CD44: variants seen among roughly 807,000 people sequenced by gnomAD.
CD44 encodes the protein CD44 antigen.
A neutral mutation model predicts 88.8 loss-of-function variants in CD44; 49 were observed. The observed-to-expected ratio is 0.55, with a 90% CI of 0.44 to 0.70. CD44 has a LOEUF of 0.70. Ranked by LOEUF, CD44 falls within the 30% of genes least tolerant of loss-of-function variation. The probability of loss-of-function intolerance (pLI) is 0.00; values close to 1 mark genes in which losing one functional copy is unlikely to be tolerated. For missense variants in CD44, 883 were observed against 913.8 expected, an observed-to-expected ratio of 0.97 and a Z score of 0.43; for synonymous variants, 325 against 312.3, an observed-to-expected ratio of 1.04 and a Z score of -0.43.
chr11:35,223,915 T>C (rs189059862), intron 17 of CD44, among the ~76,000 whole-genome samples: 3 of 152,280 alleles, frequency 2.0e-5, no homozygotes, highest in African/African-American at 4.8e-5. Flanking sequence ...CCAATAGGTG[T>C]TCATTTATTC....
In CD44 at chr11:35,186,997, G is replaced by A. The variant is rs573777536; in HGVS notation, c.436+97G>A. 1.2e-4 allele frequency: 93 copies of A among 782,566 alleles called. No homozygotes were observed. In the African/African-American group the frequency reaches 1.4e-3, roughly 12 times the overall value. The allele number at this position is 782,566 out of a possible 1,614,324, so 48.5% of individuals were successfully genotyped here. On this transcript the variant is annotated intron_variant, in intron 4 of 17. Coordinates refer to ENST00000428726, the MANE Select transcript of CD44 (RefSeq NM_000610.4). ...ATATTTGAATAGAATATTAGGCCAG[G>A]TGTGGTGGCTCACTCCTGTAATCCC...
At chr11:35,198,411 T>G in intron 7 of CD44, 165 bp downstream of exon 7, 1 of 578,246 alleles carries the variant, frequency 1.7e-6, no homozygotes, top group East Asian at 3.0e-5. Flanking sequence ...AGAAATAGAA[T>G]GTTTTGAGAA....
chr11:35,171,437 T>A lies in CD44; in HGVS notation c.68-5138T>A, dbSNP rs144436468. Among the ~76,000 whole-genome samples the A allele has an allele frequency of 2.3e-4, 35 of 152,324 alleles. No homozygotes were observed. The East Asian group carries it at 6.5e-3, about 29-fold the overall frequency. ...TTTTACTTTGCATAGGATTTCTTCA[T>A]CCAATCAGCAGCCCTTTGCAGATAC... is the stretch of plus-strand genomic sequence containing the variant. On this transcript the variant is annotated intron_variant, in intron 1 of 17. Transcript: ENST00000428726.
intron 4 of CD44, among the ~76,000 whole-genome samples, chr11:35,188,463 G>A (rs1439961128): frequency 1.3e-5 from 2 of 152,328 alleles, no homozygotes; most frequent in East Asian, 1.9e-4. Flanking sequence ...TATGTCTAAT[G>A]TATGTCCAGC....
intron 1 of CD44, among the ~76,000 whole-genome samples, chr11:35,165,452 C>A (rs1440148915): frequency 1.3e-5 from 2 of 152,204 alleles, no homozygotes; most frequent in African/African-American, 4.8e-5. Flanking sequence ...TACCTACCCT[C>A]TGGGCCTCAC....
intron 14 of CD44, 112 bp downstream of exon 14, chr11:35,211,561 A>T (rs1948391670): frequency 1.4e-6 from 1 of 728,298 alleles, no homozygotes; most frequent in Admixed American, 2.6e-5. Context: ...AGTTTGTGAT[A>T]TGGAAATATC....
chr11:35,179,021 T>C (rs3794106), intron 2 of CD44, among the ~76,000 whole-genome samples: 2,301 of 152,288 alleles, frequency 0.015, 19 homozygotes, highest in Middle Eastern at 0.02. Context: ...TATGAAAACT[T>C]ATTACCATTT....
intron 1 of CD44, chr11:35,139,605 C>T (rs1232142124): frequency 4.0e-6 from 3 of 748,780 alleles, no homozygotes; most frequent in African/African-American, 3.4e-5. Flanking sequence ...GTTTGTTGGG[C>T]AGGCTGCCGG....
rs1056810838 is a variant in CD44, at chr11:35,217,269, T to TC, written c.1874-2047_1874-2046insC. Among the ~76,000 whole-genome samples, 8 of 125,324 alleles carry TC rather than the reference T, an allele frequency of 6.4e-5. No individual in the cohort carries two copies. The East Asian group carries it at 7.8e-4, about 12-fold the overall frequency. 82.2% of individuals were successfully genotyped at this position (125,324 alleles called of 152,430 possible). On this transcript the variant is annotated intron_variant, in intron 15 of 17. Coordinates refer to ENST00000428726, the MANE Select transcript of CD44 (RefSeq NM_000610.4). ...TTTTCTTGCTGGGAGCACTTCTTCTTTTTTTTTTTTTTTAAATCAAAATAA... is the reference window on the plus strand; with the variant it reads ...TTTTCTTGCTGGGAGCACTTCTTCTTCTTTTTTTTTTTTTAAATCAAAATAA...
intron 5 of CD44, among the ~76,000 whole-genome samples, chr11:35,195,933 G>T (rs138873885): frequency 4.5e-4 from 69 of 152,260 alleles, no homozygotes; most frequent in African/African-American, 1.7e-3. Flanking sequence ...GGAGAAAAGT[G>T]TAGAGGCATA....
At chr11:35,166,578 C>A (rs1393037536) in intron 1 of CD44, among the ~76,000 whole-genome samples, 9 of 152,210 alleles carry the variant, frequency 5.9e-5, no homozygotes, top group African/African-American at 2.2e-4. Flanking sequence ...TGGGATTCTT[C>A]TCCAATGTGA....
At chr11:35,155,886 T>G (rs1204232512) in intron 1 of CD44, among the ~76,000 whole-genome samples, 1 of 152,210 alleles carries the variant, frequency 6.6e-6, no homozygotes, top group Non-Finnish European at 1.5e-5. Context: ...TGTTTTCGGT[T>G]CCATTATCTA....
intron 11 of CD44, among the ~76,000 whole-genome samples, chr11:35,206,450 A>T (rs1947849322): frequency 6.6e-6 from 1 of 152,170 alleles, no homozygotes; most frequent in African/African-American, 2.4e-5. Flanking sequence ...GGAATTTAGC[A>T]GGAGGGTTGG....
At chr11:35,162,086 T>C (rs1323192350) in intron 1 of CD44, among the ~76,000 whole-genome samples, 1 of 152,206 alleles carries the variant, frequency 6.6e-6, no homozygotes, top group East Asian at 1.9e-4. Context: ...AGGTAAGCTC[T>C]TTGAGGGCAC....
intron 17 of CD44, among the ~76,000 whole-genome samples, chr11:35,227,250 AAC>A: frequency 6.6e-6 from 1 of 152,180 alleles, no homozygotes; most frequent in East Asian, 1.9e-4. Flanking sequence ...CAGTGGCACA[AAC>A]ACAGCTCACT....
At chr11:35,211,118 C>T in intron 13 of CD44, 128 bp from the exon 14 acceptor site, 1 of 696,304 alleles carries the variant, frequency 1.4e-6, no homozygotes, top group Non-Finnish European at 2.6e-6. Context: ...ACAAACTTCA[C>T]TCTATTTCTC....
chr11:35,201,590 G>A, intron 8 of CD44, 81 bp from the exon 9 acceptor site: 2 of 1,549,632 alleles, frequency 1.3e-6, no homozygotes, highest in Non-Finnish European at 1.8e-6. Context: ...TTGTTAAATA[G>A]CATGCACTTT....
In CD44 at chr11:35,153,257, A is replaced by C. The variant is rs76634741; in HGVS notation, c.67+13887A>C. ...ACAATGATCTGATCAGGACAAGAAG[A>C]CTTGGAGTACAAAATGAGAAGAAGA... On this transcript the variant is annotated intron_variant, in intron 1 of 17. Transcript: ENST00000428726. Among the ~76,000 whole-genome samples, 874 of 152,306 alleles carry C rather than the reference A, an allele frequency of 5.7e-3. 13 individuals carry two copies. The highest frequency in any genetic ancestry group is 0.02 in the African/African-American group (828 of 41,558).
chr11:35,225,459 T>C (rs1372891575), intron 17 of CD44, among the ~76,000 whole-genome samples: 3 of 152,178 alleles, frequency 2.0e-5, no homozygotes, highest in Non-Finnish European at 4.4e-5. Flanking sequence ...GCCTGAGATT[T>C]AAGGGAAGAG....
Sources: allele counts gnomAD v4.1 joint callset (sites outside exome capture counted in the v4.1 genomes callset), GRCh38; gene constraint gnomAD v4.1.1; transcripts MANE v1.5; gene names NCBI Gene and HGNC (gene_info 2026-07-23, HGNC 2026-07-21).